The following UGT1A9 variants were observed in gnomAD, a reference collection of about 807,000 sequenced individuals.
UGT1A9 encodes UDP glucuronosyltransferase family 1 member A9, also known as UDP-glucuronosyltransferase 1A9.
In UGT1A9, 35 loss-of-function variants were observed where a neutral mutation model predicts 45.0. The ratio of observed to expected loss-of-function variants is 0.78; its 90% CI spans 0.59 to 1.03. The LOEUF (loss-of-function observed/expected upper bound fraction) is 1.03, where lower values mean the gene tolerates loss of function less well. Ranked by LOEUF, UGT1A9 falls within the 50% of genes least tolerant of loss-of-function variation. The pLI is 0.00. For synonymous variants in UGT1A9, 278 were observed against 250.6 expected (o/e 1.11, Z -1.03); for missense variants, 687 against 666.6 (o/e 1.03, Z -0.34).
chr2:233,762,105 C>T (rs879435361), intron 1 of UGT1A9, among the ~76,000 whole-genome samples: 8 of 151,972 alleles, frequency 5.3e-5, no homozygotes, highest in Non-Finnish European at 1.0e-4. Flanking sequence ...GTTGATTGTC[C>T]GCTTCACATC....
At chr2:233,692,948 C>T in intron 1 of UGT1A9, 1 of 1,601,152 alleles carries the variant, frequency 6.2e-7, no homozygotes, top group East Asian at 2.2e-5. Flanking sequence ...CCTAGGAGCC[C>T]TGTGATTTGG....
At chr2:233,730,016 A>C in intron 1 of UGT1A9, 1 of 1,613,836 alleles carries the variant, frequency 6.2e-7, no homozygotes. Context: ...GCCTTCATCC[A>C]ATCAATGTTC....
intron 1 of UGT1A9, among the ~76,000 whole-genome samples, chr2:233,676,421 C>T (rs897203308): frequency 3.3e-5 from 5 of 152,152 alleles, no homozygotes; most frequent in Non-Finnish European, 7.3e-5. Context: ...CAGTTTCCAC[C>T]ATTGTTAAAT....
intron 1 of UGT1A9, among the ~76,000 whole-genome samples, chr2:233,726,123 A>C (rs2125717570): frequency 6.6e-6 from 1 of 152,290 alleles, no homozygotes; most frequent in South Asian, 2.1e-4. Flanking sequence ...CCATGTTCAC[A>C]CCACCTCACT....
rs576793496 is a variant in UGT1A9 at position 233,672,438 on chromosome 2, C to T, written c.504C>T (p.Phe168=). ...AKYFSLPSVV[F]ARGILCHYLE... ...ATTTCTCCCTCCCCTCCGTGGTCTT[C>T]GCCAGGGGAATACTTTGCCACTATC... The change falls in exon 1 of 5, where the codon TTC becomes TTT. Residue 168 remains phenylalanine (F), a synonymous_variant. Coordinates refer to ENST00000354728, the MANE Select transcript of UGT1A9 (RefSeq NM_021027.3). The T allele has an allele frequency of 2.0e-5, 32 of 1,613,930 alleles. No homozygotes were observed. In the Admixed American group the frequency reaches 4.2e-4, roughly 21 times the overall value.
chr2:233,691,508 C>G (rs1369652269), intron 1 of UGT1A9: 4 of 985,724 alleles, frequency 4.1e-6, no homozygotes, highest in Non-Finnish European at 4.8e-6. Context: ...ACTCGCGTGC[C>G]AGCCAGGTGT....
intron 1 of UGT1A9, among the ~76,000 whole-genome samples, chr2:233,677,140 C>T (rs796223393): frequency 2.0e-5 from 3 of 152,232 alleles, no homozygotes; most frequent in African/African-American, 7.2e-5. Context: ...TGGGGAGAAA[C>T]AACATCTTAG....
At chr2:233,705,779 T>C (rs1396486020) in intron 1 of UGT1A9, among the ~76,000 whole-genome samples, 2 of 152,210 alleles carry the variant, frequency 1.3e-5, no homozygotes, top group African/African-American at 2.4e-5. Context: ...AGTGTCTTAG[T>C]GCAAAATGCC....
rs1348146797 is a variant in UGT1A9, at chr2:233,724,071, C to G, written c.856-42963C>G. Among the ~76,000 whole-genome samples the G allele has an allele frequency of 1.6e-4, 15 of 96,248 alleles. 1 individual carries two copies. Among genetic ancestry groups the G allele is most frequent in the African/African-American group, 2.3e-4 (4 of 17,278 alleles). 63.1% of individuals were successfully genotyped at this position (96,248 alleles called of 152,430 possible). A position where few individuals can be genotyped will look rare whatever the true frequency, so the allele number is the denominator to read the frequency against. On this transcript the variant is annotated intron_variant, in intron 1 of 4. Coordinates refer to ENST00000354728, the MANE Select transcript of UGT1A9 (RefSeq NM_021027.3). ...CACACCTCCCAGACGGGGTGGTGGCCGGGCAGAGGGGCTCCTCACTTCCCA... is the reference window on the plus strand; with the variant it reads ...CACACCTCCCAGACGGGGTGGTGGCGGGGCAGAGGGGCTCCTCACTTCCCA...
intron 1 of UGT1A9, among the ~76,000 whole-genome samples, chr2:233,766,257 A>G (rs1699081687): frequency 1.3e-5 from 2 of 151,512 alleles, no homozygotes; most frequent in African/African-American, 2.4e-5. Context: ...CAGACCGCTC[A>G]GTGGCCCGGG....
chr2:233,745,155 C>G (rs1330223752), intron 1 of UGT1A9, among the ~76,000 whole-genome samples: 5 of 151,764 alleles, frequency 3.3e-5, no homozygotes, highest in Admixed American at 6.6e-5. Flanking sequence ...TATGGAGGGT[C>G]AAATGTGCAT....
chr2:233,712,191 C>T (rs1334257892), intron 1 of UGT1A9, among the ~76,000 whole-genome samples: 1 of 152,204 alleles, frequency 6.6e-6, no homozygotes, highest in Non-Finnish European at 1.5e-5. Flanking sequence ...CTCCAGCTCC[C>T]CCGGTCCCTT....
Position 233,772,356 on chromosome 2 carries a change from A to G in UGT1A9, c.1390A>G (p.Arg464Gly). Reference protein sequence around the residue: ...LAVFWVEFVMRHKGAPHLRPA... With the variant: ...LAVFWVEFVMGHKGAPHLRPA... ...CGTGTTCTGGGTGGAGTTTGTGATG[A>G]GGCACAAGGGCGCGCCACACCTGCG... The change falls in exon 5 of 5, where the codon AGG (arginine) becomes GGG (glycine). Residue 464 changes from arginine to glycine, a missense_variant. Transcript: ENST00000354728. 6.2e-7 allele frequency: 1 copy of G among 1,614,222 alleles called. No individual in the cohort carries two copies. The highest frequency in any genetic ancestry group is 1.6e-4 in the Middle Eastern group (1 of 6,062).
intron 1 of UGT1A9, among the ~76,000 whole-genome samples, chr2:233,759,177 G>A (rs926803147): frequency 1.3e-5 from 2 of 152,142 alleles, no homozygotes; most frequent in East Asian, 1.9e-4. Flanking sequence ...CAGGTTTCAC[G>A]GCAAAAAGTT....
intron 1 of UGT1A9, among the ~76,000 whole-genome samples, chr2:233,695,287 A>T (rs775200577): frequency 6.6e-6 from 1 of 151,766 alleles, no homozygotes; most frequent in Non-Finnish European, 1.5e-5. Context: ...CACCATTCCC[A>T]GCTAATTTTT....
At chr2:233,724,213 C>T (rs2077189704) in intron 1 of UGT1A9, among the ~76,000 whole-genome samples, 2 of 128,964 alleles carry the variant, frequency 1.6e-5, no homozygotes, top group African/African-American at 3.1e-5. Context: ...CTGAGGGGCT[C>T]CTCACTTCCC....
chr2:233,693,260 G>A (rs776937085), intron 1 of UGT1A9: 12 of 1,614,006 alleles, frequency 7.4e-6, no homozygotes, highest in Non-Finnish European at 1.0e-5. Flanking sequence ...TGACCAAGAA[G>A]AGCTGAAGAA....
chr2:233,724,544 T>C (rs2077280131), intron 1 of UGT1A9, among the ~76,000 whole-genome samples: 1 of 117,026 alleles, frequency 8.5e-6, no homozygotes, highest in African/African-American at 3.6e-5. Flanking sequence ...GCAGAGGCGC[T>C]CCTCACATCC....
intron 1 of UGT1A9, among the ~76,000 whole-genome samples, chr2:233,728,362 AC>A (rs1475063601): frequency 1.3e-5 from 2 of 152,120 alleles, no homozygotes; most frequent in East Asian, 3.9e-4. Flanking sequence ...AGCTCCCTGA[AC>A]CCACCATGGG....
Sources: allele counts gnomAD v4.1 joint callset (sites outside exome capture counted in the v4.1 genomes callset), GRCh38; gene constraint gnomAD v4.1.1; transcripts MANE v1.5; gene names NCBI Gene and HGNC (gene_info 2026-07-23, HGNC 2026-07-21).